The following MYRIP variants were observed in gnomAD, a reference collection of about 807,000 sequenced individuals.
MYRIP encodes myosin VIIA and Rab interacting protein, also known as rab effector MyRIP.
A neutral mutation model predicts 98.0 loss-of-function variants in MYRIP; 49 were observed. The observed-to-expected ratio is 0.50, with a 90% confidence interval of 0.40 to 0.63. MYRIP has a LOEUF of 0.63. MYRIP is among the 30% of genes least tolerant of loss of function. The pLI is 0.00. For missense variants in MYRIP, 1,004 were observed against 1,058.2 expected, an observed-to-expected ratio of 0.95 and a Z score of 0.71; for synonymous variants, 404 against 409.5, an observed-to-expected ratio of 0.99 and a Z score of 0.16.
chr3:40,142,214 G>A, intron 3 of MYRIP, among the ~76,000 whole-genome samples: 1 of 151,730 alleles, frequency 6.6e-6, no homozygotes, highest in Non-Finnish European at 1.5e-5. Context: ...ACCACGCCGG[G>A]CTCATTTTTG....
In MYRIP at chr3:40,123,382, T is replaced by TTTCTTC. The variant is rs1949446371; in HGVS notation, c.333-27666_333-27665insTTCTTC. On this transcript the variant is annotated intron_variant, in intron 3 of 16. Coordinates refer to ENST00000302541, the MANE Select transcript of MYRIP (RefSeq NM_015460.4). ...AGAGACATTTCCAAACATGGGCAGT[T>TTTCTTC]CTCTGACTGAAAATGGGGCCTCAGC... Among the ~76,000 whole-genome samples the TTTCTTC allele has an allele frequency of 2.0e-5, 3 of 152,324 alleles. No individual in the cohort carries two copies. In the South Asian group the frequency reaches 6.2e-4, roughly 32 times the overall value.
intron 16 of MYRIP, among the ~76,000 whole-genome samples, chr3:40,256,484 C>A (rs1953593960): frequency 6.6e-6 from 1 of 150,474 alleles, no homozygotes; most frequent in Non-Finnish European, 1.5e-5. Flanking sequence ...TAATTAAGAC[C>A]AGAAATTATA....
chr3:39,833,905 T>G (rs1430786004), intron 1 of MYRIP, among the ~76,000 whole-genome samples: 2 of 152,118 alleles, frequency 1.3e-5, no homozygotes, highest in East Asian at 3.9e-4. Flanking sequence ...GGCAGGTGCT[T>G]ATAATCCCAG....
At chr3:40,106,726 A>G (rs1949056240) in intron 3 of MYRIP, among the ~76,000 whole-genome samples, 1 of 152,034 alleles carries the variant, frequency 6.6e-6, no homozygotes, top group South Asian at 2.1e-4. Context: ...TATTTTATAT[A>G]TGTAAATTTT....
chr3:40,254,015 GAA>G (rs971272230), intron 16 of MYRIP, among the ~76,000 whole-genome samples: 2 of 152,104 alleles, frequency 1.3e-5, no homozygotes, highest in African/African-American at 4.8e-5. Flanking sequence ...CTGTGTTCCT[GAA>G]AAAAGTCAGC....
chr3:39,810,569 C>T (rs549737587), intron 1 of MYRIP: 3 of 152,398 alleles, frequency 2.0e-5, no homozygotes, highest in South Asian at 2.1e-4. Context: ...TCCCAGGGGG[C>T]TCTACATAGA....
At chr3:39,993,415 A>G (rs1051294901) in intron 2 of MYRIP, among the ~76,000 whole-genome samples, 1 of 151,990 alleles carries the variant, frequency 6.6e-6, no homozygotes, top group African/African-American at 2.4e-5. Context: ...CTTCAGCCAT[A>G]CTCACCTGAC....
chr3:40,020,992 C>G (rs1267949051), intron 2 of MYRIP, among the ~76,000 whole-genome samples: 1 of 152,106 alleles, frequency 6.6e-6, no homozygotes, highest in Non-Finnish European at 1.5e-5. Flanking sequence ...ATGGAAGCCC[C>G]TCTTCTCTAC....
intron 4 of MYRIP, 99 bp from the exon 5 acceptor site, chr3:40,162,631 G>A: frequency 9.8e-7 from 1 of 1,016,894 alleles, no homozygotes; most frequent in Non-Finnish European, 1.5e-6. Flanking sequence ...ACCCAAGTGT[G>A]TAATAGTGGT....
chr3:40,114,684 T>C (rs1949235547), intron 3 of MYRIP, among the ~76,000 whole-genome samples: 1 of 152,208 alleles, frequency 6.6e-6, no homozygotes, highest in Admixed American at 6.5e-5. Context: ...TAAATGCAAA[T>C]TAACAAAGTA....
intron 2 of MYRIP, among the ~76,000 whole-genome samples, chr3:40,040,049 C>T (rs1311200516): frequency 6.6e-6 from 1 of 152,150 alleles, no homozygotes; most frequent in Non-Finnish European, 1.5e-5. Context: ...GGATTTAGAG[C>T]TCACTCATAT....
intron 10 of MYRIP, among the ~76,000 whole-genome samples, chr3:40,206,911 C>T (rs1024244143): frequency 3.3e-5 from 5 of 152,150 alleles, no homozygotes; most frequent in African/African-American, 1.2e-4. Context: ...ATTAGTCTTT[C>T]ATTGTCTGTA....
At chr3:39,957,216 G>C (rs907528760) in intron 2 of MYRIP, among the ~76,000 whole-genome samples, 9 of 151,522 alleles carry the variant, frequency 5.9e-5, no homozygotes, top group African/African-American at 2.2e-4. Flanking sequence ...GCCTGACAGG[G>C]ACACACCAAA....
intron 16 of MYRIP, among the ~76,000 whole-genome samples, chr3:40,255,830 A>G (rs1287331546): frequency 6.6e-6 from 1 of 152,262 alleles, no homozygotes; most frequent in African/African-American, 2.4e-5. Flanking sequence ...TAAGATGTTT[A>G]TCTAACTATG....
At chr3:39,818,122 G>A (rs1218712196) in intron 1 of MYRIP, among the ~76,000 whole-genome samples, 2 of 152,032 alleles carry the variant, frequency 1.3e-5, no homozygotes, top group Non-Finnish European at 2.9e-5. Flanking sequence ...TAAGACATTA[G>A]GCACTTTAGA....
At chr3:39,994,153 A>G (rs1946270242) in intron 2 of MYRIP, among the ~76,000 whole-genome samples, 1 of 152,234 alleles carries the variant, frequency 6.6e-6, no homozygotes, top group Admixed American at 6.5e-5. Flanking sequence ...CAACTGAGGT[A>G]CTGGGTTCAT....
Position 40,260,129 on chromosome 3 carries a change from G to A in MYRIP, c.*1963G>A, listed in dbSNP as rs1308107643. 6.6e-6 allele frequency: 1 copy of A among 152,532 alleles called. No individual in the cohort carries two copies. The highest frequency in any genetic ancestry group is 1.5e-5 in the Non-Finnish European group (1 of 68,020). 9.4% of individuals were successfully genotyped at this position (152,532 alleles called of 1,614,324 possible). ...AATTATTTTGTCATCAAGTGATTTTGATCTTTAGTGTCAATATTTATATTT... is the reference window on the plus strand; with the variant it reads ...AATTATTTTGTCATCAAGTGATTTTAATCTTTAGTGTCAATATTTATATTT... On this transcript the variant is annotated 3_prime_UTR_variant, in exon 17 of 17. Transcript: ENST00000302541.
Position 40,190,092 on chromosome 3 carries a change from G to A in MYRIP, c.1294G>A (p.Asp432Asn). 2 of 1,613,942 alleles carry A rather than the reference G, an allele frequency of 1.2e-6. No individual in the cohort carries two copies. The highest frequency in any genetic ancestry group is 2.2e-5 in the South Asian group (2 of 91,072). ...QPQPTQAQSS[D>N]QGPIAASPSS... ...TCAGCCCACACAGGCCCAGAGCTCT[G>A]ACCAAGGCCCCATAGCTGCCTCCCC... The change falls in exon 10 of 17, where the codon GAC (aspartate) becomes AAC (asparagine). Residue 432 changes from aspartate (D) to asparagine (N), a missense_variant. Physicochemically the swap from Asp to Asn is conservative, Grantham distance 23. Transcript: ENST00000302541.
intron 2 of MYRIP, among the ~76,000 whole-genome samples, chr3:39,976,174 A>G (rs1202341770): frequency 6.6e-6 from 1 of 152,192 alleles, no homozygotes; most frequent in Non-Finnish European, 1.5e-5. Context: ...AATATTCAGA[A>G]TCTACAATGA....
Sources: allele counts gnomAD v4.1 joint callset (sites outside exome capture counted in the v4.1 genomes callset), GRCh38; gene constraint gnomAD v4.1.1; transcripts MANE v1.5; gene names NCBI Gene and HGNC (gene_info 2026-07-23, HGNC 2026-07-21).